Variants in TMEM132C observed in about 807,000 individuals in gnomAD.
TMEM132C encodes protein phosphatase 1, regulatory subunit 152.
In TMEM132C, 29 loss-of-function variants were observed where a neutral mutation model predicts 61.4. The ratio of observed to expected loss-of-function variants is 0.47; its 90% CI spans 0.35 to 0.64. The LOEUF (loss-of-function observed/expected upper bound fraction) is 0.64, where lower values mean the gene tolerates loss of function less well. Ranked by LOEUF, TMEM132C falls within the 30% of genes least tolerant of loss-of-function variation. The probability of loss-of-function intolerance (pLI) is 0.00; values close to 1 mark genes in which losing one functional copy is unlikely to be tolerated. For missense variants in TMEM132C, 1,408 were observed against 1,476.9 expected (o/e 0.95, Z 0.76); for synonymous variants, 656 against 633.1 (o/e 1.04, Z -0.54).
At chr12:128,334,380 A>G (rs560454516) in intron 1 of TMEM132C, among the ~76,000 whole-genome samples, 1 of 152,216 alleles carries the variant, frequency 6.6e-6, no homozygotes, top group Admixed American at 6.5e-5. Flanking sequence ...GCCCGTGTGC[A>G]TTCTCATTCC....
intron 1 of TMEM132C, among the ~76,000 whole-genome samples, chr12:128,350,436 G>T (rs1242183054): frequency 6.6e-6 from 1 of 152,312 alleles, no homozygotes; most frequent in African/African-American, 2.4e-5. Context: ...CTTCTCCCTG[G>T]AACCTCACAG....
intron 2 of TMEM132C, among the ~76,000 whole-genome samples, chr12:128,435,290 C>T (rs7971726): frequency 0.76 from 115,911 of 151,900 alleles, 44,815 homozygotes; most frequent in Non-Finnish European, 0.82. Context: ...GGTGCTGCTG[C>T]TGTTGCCAGT....
rs1174060983 is a variant in TMEM132C, at chr12:128,706,080, G to A, written c.3112G>A (p.Glu1038Lys). 1 of 1,551,654 alleles carries A rather than the reference G, an allele frequency of 6.4e-7. No individual in the cohort carries two copies. Among genetic ancestry groups the A allele is most frequent in the East Asian group, 2.4e-5 (1 of 40,904 alleles). The change falls in exon 9 of 9, where the codon GAA becomes AAA. Residue 1038 changes from glutamate (E) to lysine (K), a missense_variant. Glu to Lys is a moderately conservative substitution (Grantham distance 56). Coordinates refer to ENST00000435159, the MANE Select transcript of TMEM132C (RefSeq NM_001136103.3). ...SADSGGRQGR[E>K]QKQDPLHSPT... ...CGACTCCGGGGGGCGGCAGGGCAGAGAACAGAAGCAGGACCCCCTGCACTC... is the reference window on the plus strand; with the variant it reads ...CGACTCCGGGGGGCGGCAGGGCAGAAAACAGAAGCAGGACCCCCTGCACTC...
At chr12:128,357,927 T>C (rs1873571273) in intron 1 of TMEM132C, among the ~76,000 whole-genome samples, 1 of 151,976 alleles carries the variant, frequency 6.6e-6, no homozygotes, top group Non-Finnish European at 1.5e-5. Flanking sequence ...TTGTAGAATT[T>C]CAGACACCAT....
chr12:128,568,970 A>T (rs1001198941), intron 3 of TMEM132C, among the ~76,000 whole-genome samples: 2 of 152,200 alleles, frequency 1.3e-5, no homozygotes, highest in African/African-American at 4.8e-5. Context: ...TCTAGGACTG[A>T]GTGACGGAAG....
At chr12:128,698,781 G>A (rs1438921482) in intron 8 of TMEM132C, among the ~76,000 whole-genome samples, 5 of 152,234 alleles carry the variant, frequency 3.3e-5, no homozygotes, top group Non-Finnish European at 7.3e-5. Context: ...CAGGCGGTCT[G>A]GGGAGGAAGC....
intron 1 of TMEM132C, among the ~76,000 whole-genome samples, chr12:128,319,301 C>T (rs1593009410): frequency 6.6e-6 from 1 of 152,128 alleles, no homozygotes; most frequent in Admixed American, 6.5e-5. Context: ...TAATGGAATG[C>T]TAACTCCTGC....
At chr12:128,601,765 G>A (rs954514548) in intron 3 of TMEM132C, among the ~76,000 whole-genome samples, 1 of 152,146 alleles carries the variant, frequency 6.6e-6, no homozygotes, top group Non-Finnish European at 1.5e-5. Context: ...TTAGGCTTGT[G>A]AGAAAGTAAT....
chr12:128,459,415 A>G (rs1309208054), intron 2 of TMEM132C, among the ~76,000 whole-genome samples: 22 of 152,146 alleles, frequency 1.4e-4, no homozygotes, highest in Non-Finnish European at 2.9e-4. Context: ...GGTTTGAGAG[A>G]CCAAGGAAGT....
intron 3 of TMEM132C, among the ~76,000 whole-genome samples, chr12:128,590,349 G>C (rs372294630): frequency 3.3e-5 from 5 of 152,214 alleles, no homozygotes; most frequent in African/African-American, 9.7e-5. Flanking sequence ...TAGCAACTGG[G>C]TCAGAAAATA....
intron 3 of TMEM132C, among the ~76,000 whole-genome samples, chr12:128,586,836 C>A (rs1296007089): frequency 6.6e-6 from 1 of 152,212 alleles, no homozygotes; most frequent in Non-Finnish European, 1.5e-5. Flanking sequence ...TCAGCAAAAG[C>A]CCTCCCTGCT....
At chr12:128,436,759 C>T (rs1869607382) in intron 2 of TMEM132C, among the ~76,000 whole-genome samples, 1 of 152,148 alleles carries the variant, frequency 6.6e-6, no homozygotes, top group Admixed American at 6.5e-5. Context: ...GGATCTAGAA[C>T]TAGAAATACC....
At chr12:128,508,879 A>AT (rs1287596256) in intron 2 of TMEM132C, among the ~76,000 whole-genome samples, 1 of 152,138 alleles carries the variant, frequency 6.6e-6, no homozygotes, top group Non-Finnish European at 1.5e-5. Flanking sequence ...ATGTCGTGTC[A>AT]TGTCATGTCA....
At chr12:128,673,368 C>T (rs1321124974) in intron 5 of TMEM132C, among the ~76,000 whole-genome samples, 1 of 152,210 alleles carries the variant, frequency 6.6e-6, no homozygotes, top group Non-Finnish European at 1.5e-5. Flanking sequence ...GCAATTCTGG[C>T]ATCCTGATCT....
intron 2 of TMEM132C, among the ~76,000 whole-genome samples, chr12:128,438,650 A>G (rs953826566): frequency 6.6e-6 from 1 of 152,166 alleles, no homozygotes; most frequent in East Asian, 1.9e-4. Flanking sequence ...AAAGTGAAAA[A>G]TATGGTGGTA....
chr12:128,671,858 G>T (rs1954535615), intron 5 of TMEM132C, among the ~76,000 whole-genome samples: 1 of 152,080 alleles, frequency 6.6e-6, no homozygotes. Context: ...TATATGACCT[G>T]GTGGTGGCCT....
At chr12:128,525,847 C>A (rs1351086341) in intron 2 of TMEM132C, among the ~76,000 whole-genome samples, 1 of 152,132 alleles carries the variant, frequency 6.6e-6, no homozygotes, top group East Asian at 1.9e-4. Flanking sequence ...ATGAAGTGCC[C>A]CTGGCATCAA....
chr12:128,422,366 A>G (rs544254103), intron 2 of TMEM132C, among the ~76,000 whole-genome samples: 1 of 152,314 alleles, frequency 6.6e-6, no homozygotes, highest in Non-Finnish European at 1.5e-5. Context: ...ACTTGCGGGT[A>G]GGGGGTGTGA....
At chr12:128,323,960 C>G (rs1316874124) in intron 1 of TMEM132C, among the ~76,000 whole-genome samples, 1 of 152,212 alleles carries the variant, frequency 6.6e-6, no homozygotes, top group Non-Finnish European at 1.5e-5. Context: ...CTGTAAGCAG[C>G]TCTTTGAGAA....
Sources: gnomAD v4.1 joint callset for allele counts (sites outside exome capture counted in the v4.1 genomes callset) on GRCh38, gnomAD v4.1.1 for gene constraint, MANE v1.5 for transcripts, NCBI Gene and HGNC (gene_info 2026-07-23, HGNC 2026-07-21) for gene names.